The following SPEG variants were observed in gnomAD, a reference collection of about 807,000 sequenced individuals.
SPEG encodes striated muscle enriched protein kinase, also known as striated muscle preferentially expressed protein kinase.
SPEG carries 114 observed loss-of-function variants against 300.4 expected under a neutral mutation model. The ratio of observed to expected loss-of-function variants is 0.38; its 90% CI spans 0.33 to 0.44. The LOEUF (loss-of-function observed/expected upper bound fraction) is 0.44, where lower values mean the gene tolerates loss of function less well. Ranked by LOEUF, SPEG falls within the 20% of genes least tolerant of loss-of-function variation. SPEG has a pLI of 1.00. For synonymous variants in SPEG, 1,964 were observed against 2,018.9 expected (o/e 0.97, Z 0.73); for missense variants, 4,201 against 4,586.2 (o/e 0.92, Z 2.43).
At position 219,489,070 on chromosome 2, in the gene SPEG, C is replaced by T; in HGVS notation, c.8166C>T (p.His2722=). Residue 2722 remains histidine (H), a synonymous_variant, in exon 35 of 41, where the codon CAC becomes CAT. Coordinates refer to ENST00000312358, the MANE Select transcript of SPEG (RefSeq NM_005876.5). ...ERRVDGESVW[H]PVSSGIPDCY... is the part of the protein sequence containing the mutation. ...TGCCTATAGGGGAGTCTGTGTGGCACCCTGTGAGCTCAGGCATCCCCGACT... is the reference window on the plus strand; with the variant it reads ...TGCCTATAGGGGAGTCTGTGTGGCATCCTGTGAGCTCAGGCATCCCCGACT... 2 of 1,613,854 alleles carry T rather than the reference C, an allele frequency of 1.2e-6. No individual in the cohort carries two copies. The highest frequency in any genetic ancestry group is 8.5e-7 in the Non-Finnish European group (1 of 1,179,948).
chr2:219,472,754 A>G, intron 15 of SPEG, 136 bp from the exon 16 acceptor site: 1 of 689,014 alleles, frequency 1.5e-6, no homozygotes, highest in Non-Finnish European at 2.4e-6. Context: ...ATGGGGGGAC[A>G]GGCAGGAAGC....
Position 219,458,490 on chromosome 2 carries a change from G to A in SPEG, c.2441-3392G>A, listed in dbSNP as rs907208066. ...CTACTGAATCGGAAATTCCGTGGGT[G>A]GGGCCCAGCACTCTATGGTCTAAGG... On this transcript the variant is annotated intron_variant, in intron 6 of 40. Coordinates refer to ENST00000312358, the MANE Select transcript of SPEG (RefSeq NM_005876.5). The surrounding 1 kb of genome is among the most constrained non-coding windows in gnomAD (Gnocchi z 4.2). Among the ~76,000 whole-genome samples, 21 of 152,128 alleles carry A rather than the reference G, an allele frequency of 1.4e-4. No homozygotes were observed. The highest frequency in any genetic ancestry group is 2.7e-4 in the African/African-American group (11 of 41,424).
Position 219,477,049 on chromosome 2 carries a change from C to T in SPEG, c.4560+67C>T, listed in dbSNP as rs1692413631. 8 of 1,404,040 alleles carry T rather than the reference C, an allele frequency of 5.7e-6. No individual in the cohort carries two copies. In the East Asian group the frequency reaches 1.8e-4, roughly 32 times the overall value. 87.0% of individuals were successfully genotyped at this position (1,404,040 alleles called of 1,614,324 possible). On this transcript the variant is annotated intron_variant, in intron 19 of 40. Transcript: ENST00000312358. The surrounding 1 kb of genome is among the most constrained non-coding windows in gnomAD (Gnocchi z 6.4). ...GGCTCCCTGGGGGCGTGGGAGGGTC[C>T]TGGAAGGCCTTAGGAGGGCGGAGCC...
Position 219,449,179 on chromosome 2 carries a change from CGGA to C in SPEG, c.2028_2030del (p.Glu676del), listed in dbSNP as rs767862908. On this transcript the variant is annotated inframe_deletion, in exon 4 of 41. Coordinates refer to ENST00000312358, the MANE Select transcript of SPEG (RefSeq NM_005876.5). ...GCAGAGAAGAGGCTTCGCAGAGGGCCGGAGGAGGACGGTCCCTGGGGGCCCTGG... is the reference window on the plus strand; with the variant it reads ...GCAGAGAAGAGGCTTCGCAGAGGGCCGGAGGACGGTCCCTGGGGGCCCTGG... 2.9e-6 allele frequency: 4 copies of C among 1,394,120 alleles called. No individual in the cohort carries two copies. The highest frequency in any genetic ancestry group is 3.7e-6 in the Non-Finnish European group (4 of 1,074,184). The allele number at this position is 1,394,120 out of a possible 1,614,324, so 86.4% of individuals were successfully genotyped here.
At chr2:219,437,040 C>T (rs145190016) in intron 1 of SPEG, among the ~76,000 whole-genome samples, 2 of 152,156 alleles carry the variant, frequency 1.3e-5, no homozygotes, top group East Asian at 3.9e-4. Context: ...CCAAACACAT[C>T]CTTTCACAGG....
At chr2:219,462,502 T>C in intron 8 of SPEG, 116 bp downstream of exon 8, 1 of 778,828 alleles carries the variant, frequency 1.3e-6, no homozygotes, top group Non-Finnish European at 2.1e-6. Context: ...ATGATCTGCC[T>C]CAGGGGCCTC....
In SPEG at chr2:219,469,018, A is replaced by C; in HGVS notation, c.3461A>C (p.Glu1154Ala). The C allele has an allele frequency of 6.2e-7, 1 of 1,613,552 alleles. No individual in the cohort carries two copies. The change falls in exon 12 of 41, where the codon GAA becomes GCA. Residue 1154 changes from glutamate (E) to alanine (A), a missense_variant. Physicochemically the swap from Glu to Ala is moderately radical, Grantham distance 107. This residue lies in a region of SPEG where 1,047 missense variants were observed against 1,356.8 expected (regional missense o/e 0.77). Coordinates refer to ENST00000312358, the MANE Select transcript of SPEG (RefSeq NM_005876.5). ...QAHCSAQLYVEEPRTAASGPS... is the reference protein window; with the variant it reads ...QAHCSAQLYVAEPRTAASGPS... ...CACTGCTCAGCCCAGCTGTATGTAG[A>C]AGAGCCCCGGACAGCCGCCTCAGGC...
At chr2:219,452,211 C>T (rs1413899128) in intron 6 of SPEG, among the ~76,000 whole-genome samples, 2 of 152,220 alleles carry the variant, frequency 1.3e-5, no homozygotes, top group Non-Finnish European at 2.9e-5. Context: ...GTCATTTCCC[C>T]TGTAAGACAG....
chr2:219,449,548 C>G (rs957027848), intron 4 of SPEG, among the ~76,000 whole-genome samples: 1 of 152,106 alleles, frequency 6.6e-6, no homozygotes, highest in Non-Finnish European at 1.5e-5. Flanking sequence ...GACTGGTGCC[C>G]AGATGCCCGC....
chr2:219,462,017 G>T lies in SPEG; in HGVS notation c.2576G>T (p.Arg859Leu), dbSNP rs745526359. ...AAGCCCAGTCCCAGCCAGAACCGCC[G>T]TTCTTCTGACACTGGCTCCAAGGCA... ...TMKPSPSQNR[R>L]SSDTGSKAPP... The change falls in exon 7 of 41, where the codon CGT (arginine) becomes CTT (leucine). Residue 859 changes from arginine (R) to leucine (L), a missense_variant. Physicochemically the swap from Arg to Leu is moderately radical, Grantham distance 102 (BLOSUM62 -2). This residue lies in a region of SPEG where 1,258 missense variants were observed against 1,293.9 expected (regional missense o/e 0.97). Transcript: ENST00000312358. 3 of 1,611,972 alleles carry T rather than the reference G, an allele frequency of 1.9e-6. No individual in the cohort carries two copies. Among genetic ancestry groups the T allele is most frequent in the Non-Finnish European group, 2.5e-6 (3 of 1,179,274 alleles).
Position 219,449,086 on chromosome 2 carries a change from G to C in SPEG, c.1928G>C (p.Trp643Ser), listed in dbSNP as rs1689541382. The change falls in exon 4 of 41, where the codon TGG (tryptophan) becomes TCG (serine). Residue 643 changes from tryptophan to serine, a missense_variant. Trp to Ser is a radical substitution (Grantham distance 177). Around this residue, in one of 4 missense-constraint regions of SPEG, gnomAD observed 1,258 missense variants for 1,293.9 expected, o/e 0.97. Transcript: ENST00000312358. ...GCGCAGGCCGTGCGCTTCCTGCCCTGGGCCACGCCGGGCCTGGAGGGCGCT... is the reference window on the plus strand; with the variant it reads ...GCGCAGGCCGTGCGCTTCCTGCCCTCGGCCACGCCGGGCCTGGAGGGCGCT... ...PPAQAVRFLP[W>S]ATPGLEGAAV... 6.7e-7 allele frequency: 1 copy of C among 1,502,904 alleles called. No homozygotes were observed. The highest frequency in any genetic ancestry group is 8.9e-7 in the Non-Finnish European group (1 of 1,126,964). The allele number at this position is 1,502,904 out of a possible 1,614,324, so 93.1% of individuals were successfully genotyped here.
chr2:219,471,083 G>A (rs1342643096), intron 13 of SPEG, among the ~76,000 whole-genome samples: 2 of 152,150 alleles, frequency 1.3e-5, no homozygotes, highest in Admixed American at 6.5e-5. Flanking sequence ...GAAAAGCAGC[G>A]TGGGCCAGTG....
At position 219,443,041 on chromosome 2, in the gene SPEG, T is replaced by G. The variant is rs1689040996; in HGVS notation, c.389-1612T>G. 2 of 1,324,190 alleles carry G rather than the reference T, an allele frequency of 1.5e-6. No homozygotes were observed. The highest frequency in any genetic ancestry group is 2.5e-5 in the South Asian group (2 of 79,424). 82.0% of individuals were successfully genotyped at this position (1,324,190 alleles called of 1,614,324 possible). ...TTCTGCTTGATGTTGCAGGTCTGGA[T>G]GGGAGGCACAGGGACCTTAGGAACA... On this transcript the variant is annotated intron_variant, in intron 1 of 40. Coordinates refer to ENST00000312358, the MANE Select transcript of SPEG (RefSeq NM_005876.5). The surrounding 1 kb of genome is among the most constrained non-coding windows in gnomAD (Gnocchi z 4.6).
chr2:219,492,906 A>C lies in SPEG; in HGVS notation c.*120A>C, dbSNP rs1281794204. On this transcript the variant is annotated 3_prime_UTR_variant, in exon 41 of 41. Transcript: ENST00000312358. ...GGCTTCGGTTACCACCAGCAGCAACATCTGGCTGGGCTCTTACCTCATAGA... is the reference window on the plus strand; with the variant it reads ...GGCTTCGGTTACCACCAGCAGCAACCTCTGGCTGGGCTCTTACCTCATAGA... The C allele has an allele frequency of 6.7e-6, 7 of 1,041,464 alleles. No homozygotes were observed. Among genetic ancestry groups the C allele is most frequent in the Non-Finnish European group, 1.0e-5 (7 of 696,994 alleles). The allele number at this position is 1,041,464 out of a possible 1,614,324, so 64.5% of individuals were successfully genotyped here. A position where few individuals can be genotyped will look rare whatever the true frequency, so the allele number is the denominator to read the frequency against.
Position 219,484,704 on chromosome 2 carries a change from C to G in SPEG, c.7241C>G (p.Ser2414Cys). 1 of 1,509,688 alleles carries G rather than the reference C, an allele frequency of 6.6e-7. No individual in the cohort carries two copies. The highest frequency in any genetic ancestry group is 8.8e-7 in the Non-Finnish European group (1 of 1,138,460). The allele number at this position is 1,509,688 out of a possible 1,614,324, so 93.5% of individuals were successfully genotyped here. ...GLVRRLSLSL[S>C]QRLRRTPPAQ... ...GTCCGCCGCCTCTCGCTGTCACTGT[C>G]CCAGCGGCTGCGGCGGACCCCTCCC... is the stretch of plus-strand genomic sequence containing the variant. The change falls in exon 30 of 41, where the codon TCC becomes TGC. Residue 2414 changes from serine (S) to cysteine (C), a missense_variant. Physicochemically the swap from Ser to Cys is moderately radical, Grantham distance 112. Coordinates refer to ENST00000312358, the MANE Select transcript of SPEG (RefSeq NM_005876.5).
At position 219,483,199 on chromosome 2, in the gene SPEG, A is replaced by AC; in HGVS notation, c.5742dup (p.Ser1915GlnfsTer11). The AC allele has an allele frequency of 6.2e-7, 1 of 1,609,236 alleles. No homozygotes were observed. The highest frequency in any genetic ancestry group is 8.5e-7 in the Non-Finnish European group (1 of 1,178,742). On this transcript the variant is annotated frameshift_variant, in exon 30 of 41. Coordinates refer to ENST00000312358, the MANE Select transcript of SPEG (RefSeq NM_005876.5). LOFTEE classifies it high-confidence loss of function. ...TGTGGGTGACCATGCCCAGAAGGCC[A>AC]CCCCCCAGTGGGGGGCTCTCATCCT...
chr2:219,447,436 G>GC (rs1207592506), intron 3 of SPEG, among the ~76,000 whole-genome samples: 1 of 152,128 alleles, frequency 6.6e-6, no homozygotes, highest in African/African-American at 2.4e-5. Flanking sequence ...ATGGGGCACT[G>GC]CCCCCCAAAA....
At chr2:219,465,987 G>T in intron 9 of SPEG, 1 of 1,339,542 alleles carries the variant, frequency 7.5e-7, no homozygotes, top group Non-Finnish European at 1.1e-6. Flanking sequence ...GCATGTGTGT[G>T]TGTGCGCGTG....
chr2:219,470,920 G>C (rs995468798), intron 13 of SPEG, among the ~76,000 whole-genome samples: 10 of 147,718 alleles, frequency 6.8e-5, no homozygotes, highest in South Asian at 2.2e-4. Flanking sequence ...GGCAACTCTT[G>C]TAATATATCA....
Sources: allele counts gnomAD v4.1 joint callset (sites outside exome capture counted in the v4.1 genomes callset), GRCh38; gene constraint gnomAD v4.1.1; regional missense constraint gnomAD v4.1.1; non-coding constraint Gnocchi (gnomAD v3.1); transcripts MANE v1.5; gene names NCBI Gene and HGNC (gene_info 2026-07-23, HGNC 2026-07-21).